LTBP1: variants seen among roughly 807,000 people sequenced by gnomAD.
LTBP1 encodes latent-transforming growth factor beta-binding protein 1.
Under a neutral mutation model 207.6 loss-of-function variants are expected in LTBP1, and 129 were observed. The observed-to-expected ratio is 0.62, with a 90% CI of 0.54 to 0.72. LTBP1 has a LOEUF of 0.72. Ranked by LOEUF, LTBP1 falls within the 30% of genes least tolerant of loss-of-function variation. The pLI, the probability that LTBP1 is intolerant of heterozygous loss-of-function variation, is 0.00. For synonymous variants in LTBP1, 963 were observed against 833.7 expected, an observed-to-expected ratio of 1.16 and a Z score of -2.67; for missense variants, 2,281 against 2,217.2, an observed-to-expected ratio of 1.03 and a Z score of -0.58.
rs113319925 is a variant in LTBP1, at chr2:33,275,889, C to T, written c.2958C>T (p.Ser986=). The T allele has an allele frequency of 2.5e-4, 398 of 1,607,482 alleles. No homozygotes were observed. In the African/African-American group the frequency reaches 4.2e-3, roughly 17 times the overall value. Residue 986 remains serine (S), a synonymous_variant, in exon 18 of 34, where the codon AGC becomes AGT. Transcript: ENST00000404816. ...CCTTCCGGTGTGAATACTGTGACAG[C>T]GGGTACCGCATGACTCAGAGAGGCC... ...VGAFRCEYCD[S]GYRMTQRGRC... is the part of the protein sequence containing the mutation.
intron 33 of LTBP1, among the ~76,000 whole-genome samples, 177 bp downstream of exon 33, chr2:33,397,459 A>AAAAATGGTT (rs1486408116): frequency 6.6e-6 from 1 of 152,060 alleles, no homozygotes; most frequent in Non-Finnish European, 1.5e-5. Flanking sequence ...CTATATACTT[A>AAAAATGGTT]AAAATGGTTA....
intron 9 of LTBP1, among the ~76,000 whole-genome samples, chr2:33,235,830 A>G (rs571253267): frequency 6.6e-6 from 1 of 152,264 alleles, no homozygotes; most frequent in South Asian, 2.1e-4. Context: ...ACATGTTCTC[A>G]CTCATAAGTG....
At chr2:33,329,979 A>G (rs567911918) in intron 24 of LTBP1, among the ~76,000 whole-genome samples, 2 of 152,106 alleles carry the variant, frequency 1.3e-5, no homozygotes, top group South Asian at 4.1e-4. Context: ...GAGGTTTGGC[A>G]TTTTACAGTA....
intron 13 of LTBP1, among the ~76,000 whole-genome samples, chr2:33,260,736 G>A (rs181552363): frequency 2.6e-5 from 4 of 152,312 alleles, no homozygotes; most frequent in African/African-American, 9.6e-5. Flanking sequence ...GTCACAGCGA[G>A]TAGTTTGCAA....
chr2:33,153,122 G>A (rs1164804190), intron 5 of LTBP1, among the ~76,000 whole-genome samples: 1 of 152,170 alleles, frequency 6.6e-6, no homozygotes, highest in Admixed American at 6.5e-5. Flanking sequence ...TATTTACTGT[G>A]CTTTCCAAGG....
At chr2:33,083,451 T>C (rs2078559520) in intron 3 of LTBP1, among the ~76,000 whole-genome samples, 1 of 151,928 alleles carries the variant, frequency 6.6e-6, no homozygotes, top group South Asian at 2.1e-4. Flanking sequence ...ACAGGAAGCC[T>C]TGAGTGACCC....
intron 5 of LTBP1, among the ~76,000 whole-genome samples, chr2:33,157,546 AAGG>A (rs2084068599): frequency 6.6e-6 from 1 of 152,180 alleles, no homozygotes; most frequent in Admixed American, 6.5e-5. Context: ...TTATGACTTC[AAGG>A]TCATAGTTGG....
chr2:33,395,782 C>T (rs2095352768), intron 32 of LTBP1, among the ~76,000 whole-genome samples: 1 of 151,862 alleles, frequency 6.6e-6, no homozygotes, highest in Admixed American at 6.6e-5. Context: ...ACTCCATATC[C>T]TTGTCCAATT....
intron 31 of LTBP1, among the ~76,000 whole-genome samples, chr2:33,381,130 T>C (rs1315862172): frequency 2.6e-5 from 4 of 152,240 alleles, no homozygotes; most frequent in African/African-American, 9.6e-5. Flanking sequence ...TTTAGAAGCC[T>C]CATTCCTGAT....
intron 4 of LTBP1, among the ~76,000 whole-genome samples, chr2:33,120,597 C>T (rs2081049876): frequency 6.6e-6 from 1 of 152,148 alleles, no homozygotes; most frequent in African/African-American, 2.4e-5. Flanking sequence ...TATTGATGAG[C>T]ATTTAGGGTG....
At chr2:33,367,679 G>A (rs764285579) in intron 31 of LTBP1, among the ~76,000 whole-genome samples, 8 of 152,106 alleles carry the variant, frequency 5.3e-5, no homozygotes, top group Admixed American at 3.9e-4. Context: ...TAAAACACAC[G>A]ATTTTATTCT....
At chr2:33,005,265 T>C (rs951967094) in intron 2 of LTBP1, among the ~76,000 whole-genome samples, 13 of 152,200 alleles carry the variant, frequency 8.5e-5, no homozygotes, top group African/African-American at 3.1e-4. Flanking sequence ...CTCTGCTCCA[T>C]GTATCAGCGT....
At chr2:33,386,826 CTTT>C (rs1009498572) in intron 31 of LTBP1, among the ~76,000 whole-genome samples, 3 of 119,342 alleles carry the variant, frequency 2.5e-5, no homozygotes, top group East Asian at 2.5e-4. Flanking sequence ...GAGCAAGACC[CTTT>C]TTTTTTTTTT....
intron 10 of LTBP1, among the ~76,000 whole-genome samples, chr2:33,252,233 G>C (rs1228589492): frequency 5.9e-5 from 9 of 152,182 alleles, no homozygotes. Flanking sequence ...GCAGAGGCTG[G>C]CTTGCAGCAT....
intron 5 of LTBP1, among the ~76,000 whole-genome samples, chr2:33,186,035 G>T (rs1017431174): frequency 2.6e-5 from 4 of 152,182 alleles, no homozygotes; most frequent in Admixed American, 1.3e-4. Flanking sequence ...TCTTTGCCCA[G>T]TCTGTCCTGT....
At chr2:33,088,375 C>T (rs995815765) in intron 3 of LTBP1, among the ~76,000 whole-genome samples, 1 of 152,100 alleles carries the variant, frequency 6.6e-6, no homozygotes, top group Admixed American at 6.5e-5. Flanking sequence ...TCACTTGAAC[C>T]CGGGAGGCGG....
At chr2:33,268,229 A>G (rs559187939) in intron 15 of LTBP1, among the ~76,000 whole-genome samples, 15 of 152,344 alleles carry the variant, frequency 9.8e-5, no homozygotes, top group African/African-American at 3.6e-4. Context: ...TCGGTTTCAT[A>G]TGGGAGCCAA....
chr2:33,008,931 C>T (rs1238076549), intron 2 of LTBP1, among the ~76,000 whole-genome samples: 3 of 152,184 alleles, frequency 2.0e-5, no homozygotes, highest in Non-Finnish European at 1.5e-5. Flanking sequence ...CTTGGTGTGT[C>T]TGGGGACCAG....
At chr2:33,360,859 T>A (rs2094920026) in intron 27 of LTBP1, 80 bp downstream of exon 27, 1 of 1,322,144 alleles carries the variant, frequency 7.6e-7, no homozygotes, top group African/African-American at 1.4e-5. Flanking sequence ...TAACACTCAT[T>A]CCCACAGCCA....
Sources: allele counts gnomAD v4.1 joint callset (sites outside exome capture counted in the v4.1 genomes callset), GRCh38; gene constraint gnomAD v4.1.1; transcripts MANE v1.5; gene names NCBI Gene and HGNC (gene_info 2026-07-23, HGNC 2026-07-21).